The following GMDS variants were observed in gnomAD, a reference collection of about 807,000 sequenced individuals.
GMDS encodes GDP-mannose 4,6 dehydratase.
A neutral mutation model predicts 49.9 loss-of-function variants in GMDS; 20 were observed. The observed-to-expected ratio is 0.40, with a 90% CI of 0.28 to 0.58. GMDS has a LOEUF of 0.58. GMDS is among the 20% of genes least tolerant of loss of function. The pLI is 0.42. For synonymous variants in GMDS, 177 were observed against 178.6 expected (o/e 0.99, Z 0.07); for missense variants, 362 against 481.4 (o/e 0.75, Z 2.32).
chr6:1,932,722 T>C (rs1170897495), intron 6 of GMDS, among the ~76,000 whole-genome samples: 1 of 152,040 alleles, frequency 6.6e-6, no homozygotes, highest in Admixed American at 6.5e-5. Flanking sequence ...TATTTTTTAG[T>C]AGAGACGGGG....
At chr6:2,055,469 C>T (rs191135698) in intron 4 of GMDS, among the ~76,000 whole-genome samples, 1 of 152,274 alleles carries the variant, frequency 6.6e-6, no homozygotes, top group East Asian at 1.9e-4. Context: ...ATGACATTCA[C>T]AGTCTTCCTA....
intron 1 of GMDS, among the ~76,000 whole-genome samples, chr6:2,210,919 G>A (rs944018212): frequency 2.0e-5 from 3 of 152,244 alleles, no homozygotes; most frequent in East Asian, 1.9e-4. Context: ...TTCTGTTCTC[G>A]TGATAATGAG....
At chr6:1,789,628 C>T (rs545961867) in intron 7 of GMDS, among the ~76,000 whole-genome samples, 81 of 151,840 alleles carry the variant, frequency 5.3e-4, no homozygotes, top group African/African-American at 1.9e-3. Context: ...CTCGACCTCC[C>T]AGGCTCAAGC....
intron 7 of GMDS, among the ~76,000 whole-genome samples, chr6:1,798,356 T>C (rs1314416277): frequency 6.6e-6 from 1 of 152,112 alleles, no homozygotes. Flanking sequence ...GGTATGATTT[T>C]CATATAAGTC....
chr6:1,878,375 C>T (rs1561861264), intron 7 of GMDS, among the ~76,000 whole-genome samples: 2 of 151,728 alleles, frequency 1.3e-5, no homozygotes. Context: ...AAAATATTCC[C>T]CAAAGACATC....
chr6:1,687,059 A>T (rs1765000510), intron 9 of GMDS, among the ~76,000 whole-genome samples: 1 of 152,206 alleles, frequency 6.6e-6, no homozygotes. Context: ...CTGGAACTCC[A>T]TCCTCAGTTT....
intron 1 of GMDS, among the ~76,000 whole-genome samples, chr6:2,160,150 T>C (rs1355508271): frequency 2.6e-5 from 4 of 152,174 alleles, no homozygotes; most frequent in Admixed American, 2.0e-4. Flanking sequence ...AGAAAAGTAG[T>C]ACTATATTTT....
At chr6:1,688,362 G>A (rs1260055899) in intron 9 of GMDS, among the ~76,000 whole-genome samples, 2 of 152,218 alleles carry the variant, frequency 1.3e-5, no homozygotes, top group South Asian at 2.1e-4. Flanking sequence ...TGGAAACCCC[G>A]CACCTTGCTA....
chr6:1,772,657 T>C (rs1768627675), intron 7 of GMDS, among the ~76,000 whole-genome samples: 1 of 152,190 alleles, frequency 6.6e-6, no homozygotes, highest in Non-Finnish European at 1.5e-5. Flanking sequence ...TCGTGGGGAC[T>C]GGCATATAAG....
intron 7 of GMDS, among the ~76,000 whole-genome samples, chr6:1,785,287 T>C (rs1769270705): frequency 6.6e-6 from 1 of 152,120 alleles, no homozygotes; most frequent in Non-Finnish European, 1.5e-5. Flanking sequence ...CAGCATGGAA[T>C]GTAAAAAATA....
intron 7 of GMDS, among the ~76,000 whole-genome samples, chr6:1,820,693 A>G (rs1015528373): frequency 6.6e-6 from 1 of 152,202 alleles, no homozygotes; most frequent in African/African-American, 2.4e-5. Context: ...TATTGTAGAG[A>G]GCTAACAACT....
At chr6:2,189,166 AGAGACAGAACACACGGTGACT>A (rs1226426575) in intron 1 of GMDS, among the ~76,000 whole-genome samples, 1 of 152,202 alleles carries the variant, frequency 6.6e-6, no homozygotes, top group East Asian at 1.9e-4. Flanking sequence ...GAAAAATGAA[AGAGACAGAACACACGGTGACT>A]GGTCTGAGGG....
At chr6:2,238,615 A>G (rs1445314422) in intron 1 of GMDS, among the ~76,000 whole-genome samples, 3 of 152,176 alleles carry the variant, frequency 2.0e-5, no homozygotes, top group Non-Finnish European at 4.4e-5. Flanking sequence ...ATCACTTCAT[A>G]AACACTACAT....
intron 4 of GMDS, among the ~76,000 whole-genome samples, chr6:1,984,102 G>A (rs9405536): frequency 0.38 from 57,897 of 151,978 alleles, 12,132 homozygotes; most frequent in Non-Finnish European, 0.47. Flanking sequence ...ATTATCTTCA[G>A]CAAACTAACA....
In GMDS at chr6:2,245,580, G is replaced by T. The variant is rs1781833753; in HGVS notation, c.-158C>A. 2 of 406,214 alleles carry T rather than the reference G, an allele frequency of 4.9e-6. No homozygotes were observed. Among genetic ancestry groups the T allele is most frequent in the Non-Finnish European group, 8.5e-6 (2 of 235,062 alleles). 25.2% of individuals were successfully genotyped at this position (406,214 alleles called of 1,614,324 possible). A position where few individuals can be genotyped will look rare whatever the true frequency, so the allele number is the denominator to read the frequency against. ...GCGACCGGCCGCCACAGTCTGACAG[G>T]GGCGCACGGGAGGCCGTGCAGGGAG... is the stretch of plus-strand genomic sequence containing the variant. On this transcript the variant is annotated 5_prime_UTR_variant, in exon 1 of 11. Transcript: ENST00000380815.
At chr6:1,944,966 TA>T (rs1318445805) in intron 6 of GMDS, among the ~76,000 whole-genome samples, 1 of 152,196 alleles carries the variant, frequency 6.6e-6, no homozygotes, top group African/African-American at 2.4e-5. Context: ...AAAAGATACT[TA>T]TTCACCCAAG....
chr6:1,888,308 TG>T (rs925796948), intron 7 of GMDS, among the ~76,000 whole-genome samples: 1 of 152,146 alleles, frequency 6.6e-6, no homozygotes, highest in Admixed American at 6.5e-5. Context: ...TCAGCAAGGC[TG>T]GGGAGGCCTC....
intron 4 of GMDS, among the ~76,000 whole-genome samples, chr6:1,997,309 A>ACCAT (rs981080283): frequency 2.6e-5 from 4 of 151,962 alleles, no homozygotes; most frequent in African/African-American, 9.7e-5. Flanking sequence ...GGAGACGGAA[A>ACCAT]CCATCCTGGC....
chr6:1,872,870 G>A (rs368300794), intron 7 of GMDS, among the ~76,000 whole-genome samples: 2 of 152,218 alleles, frequency 1.3e-5, no homozygotes, highest in Non-Finnish European at 1.5e-5. Flanking sequence ...CCCAGCCCCC[G>A]ACAGCTGTTT....
Sources: allele counts gnomAD v4.1 joint callset (sites outside exome capture counted in the v4.1 genomes callset), GRCh38; gene constraint gnomAD v4.1.1; transcripts MANE v1.5; gene names NCBI Gene and HGNC (gene_info 2026-07-23, HGNC 2026-07-21).